The following ADAMTSL3 variants were observed in gnomAD, a reference collection of about 807,000 sequenced individuals.
ADAMTSL3 encodes ADAMTS-like protein 3.
A neutral mutation model predicts 201.7 loss-of-function variants in ADAMTSL3; 128 were observed. The observed-to-expected ratio is 0.63, with a 90% CI of 0.55 to 0.73. The LOEUF (loss-of-function observed/expected upper bound fraction) is 0.73. Ranked by LOEUF, ADAMTSL3 falls within the 30% of genes least tolerant of loss-of-function variation. The pLI, the probability that ADAMTSL3 is intolerant of heterozygous loss-of-function variation, is 0.00. For synonymous variants in ADAMTSL3, 738 were observed against 748.4 expected (o/e 0.99, Z 0.23); for missense variants, 1,990 against 2,119.6 (o/e 0.94, Z 1.20).
At chr15:83,965,523 G>C (rs1774770086) in intron 19 of ADAMTSL3, among the ~76,000 whole-genome samples, 1 of 152,156 alleles carries the variant, frequency 6.6e-6, no homozygotes, top group Admixed American at 6.5e-5. Flanking sequence ...GGAGCACCCA[G>C]ATTCATAAAG....
At chr15:83,842,912 G>A (rs2064412527) in intron 7 of ADAMTSL3, among the ~76,000 whole-genome samples, 1 of 152,128 alleles carries the variant, frequency 6.6e-6, no homozygotes, top group South Asian at 2.1e-4. Context: ...GTTTTGTCAG[G>A]GTCCAAGAAA....
chr15:84,020,593 C>G (rs1054726351), intron 25 of ADAMTSL3, among the ~76,000 whole-genome samples: 3 of 152,170 alleles, frequency 2.0e-5, no homozygotes, highest in African/African-American at 7.2e-5. Context: ...AAAGAAATCA[C>G]TCTGCTATGT....
rs533120049 is a variant in ADAMTSL3 at position 83,925,288 on chromosome 15, A to T, written c.2117+1255A>T. Among the ~76,000 whole-genome samples the T allele has an allele frequency of 9.2e-4, 140 of 152,266 alleles. 1 individual carries two copies. The highest frequency in any genetic ancestry group is 3.1e-3 in the African/African-American group (129 of 41,560). ...CTTGGTGAAATCACACCCGCCATGT[A>T]ATGTAGGATACAGTGTTTTGTATCC... On this transcript the variant is annotated intron_variant, in intron 17 of 29. Coordinates refer to ENST00000286744, the MANE Select transcript of ADAMTSL3 (RefSeq NM_207517.3).
At chr15:83,801,186 G>A (rs1249593594) in intron 4 of ADAMTSL3, among the ~76,000 whole-genome samples, 1 of 152,018 alleles carries the variant, frequency 6.6e-6, no homozygotes, top group Non-Finnish European at 1.5e-5. Context: ...TTAAGACATG[G>A]CCAACCCATT....
chr15:83,812,852 T>C (rs1431090708), intron 5 of ADAMTSL3, among the ~76,000 whole-genome samples: 3 of 152,234 alleles, frequency 2.0e-5, no homozygotes, highest in African/African-American at 4.8e-5. Context: ...TATAAATTAA[T>C]GTAATCCTCA....
intron 13 of ADAMTSL3, among the ~76,000 whole-genome samples, chr15:83,895,785 AT>A: frequency 6.6e-6 from 1 of 152,140 alleles, no homozygotes; most frequent in Non-Finnish European, 1.5e-5. Flanking sequence ...ATATATATAT[AT>A]ATCTCAAATT....
intron 15 of ADAMTSL3, 70 bp from the exon 16 acceptor site, chr15:83,913,022 C>G: frequency 6.8e-5 from 99 of 1,463,272 alleles, no homozygotes; most frequent in Non-Finnish European, 8.7e-5. Context: ...GAATGTGTCA[C>G]TCCTCCTTTT....
At chr15:83,669,536 C>T (rs536049438) in intron 2 of ADAMTSL3, among the ~76,000 whole-genome samples, 28 of 136,220 alleles carry the variant, frequency 2.1e-4, no homozygotes, top group Non-Finnish European at 4.0e-4. Flanking sequence ...GGCGTGATCT[C>T]GGCTCGCTGC....
At chr15:83,709,667 T>G (rs1027046006) in intron 3 of ADAMTSL3, among the ~76,000 whole-genome samples, 3 of 152,194 alleles carry the variant, frequency 2.0e-5, no homozygotes, top group Non-Finnish European at 4.4e-5. Flanking sequence ...GGAGCTTTAT[T>G]ATGGTCACTG....
chr15:83,955,752 G>A (rs1283028729), intron 19 of ADAMTSL3, among the ~76,000 whole-genome samples: 1 of 152,072 alleles, frequency 6.6e-6, no homozygotes, highest in Non-Finnish European at 1.5e-5. Flanking sequence ...ACTCTGCCCA[G>A]TGCACTGTCT....
At chr15:83,826,257 A>G (rs1044579954) in intron 6 of ADAMTSL3, among the ~76,000 whole-genome samples, 2 of 152,052 alleles carry the variant, frequency 1.3e-5, no homozygotes, top group African/African-American at 4.8e-5. Context: ...CTGGGACTAC[A>G]GTAATGTTCC....
chr15:84,008,314 C>G (rs1282041395), intron 23 of ADAMTSL3, among the ~76,000 whole-genome samples: 1 of 152,140 alleles, frequency 6.6e-6, no homozygotes, highest in Non-Finnish European at 1.5e-5. Flanking sequence ...AGGCTGGCCT[C>G]GAACTCCTGA....
intron 27 of ADAMTSL3, among the ~76,000 whole-genome samples, chr15:84,028,942 A>G (rs1420425493): frequency 6.6e-6 from 1 of 152,220 alleles, no homozygotes; most frequent in Non-Finnish European, 1.5e-5. Context: ...TGCCTTGTGA[A>G]GAAAGTTCCT....
At chr15:83,786,887 G>T (rs2063272650) in intron 4 of ADAMTSL3, among the ~76,000 whole-genome samples, 1 of 152,006 alleles carries the variant, frequency 6.6e-6, no homozygotes, top group African/African-American at 2.4e-5. Flanking sequence ...AAAATTGTTG[G>T]CAAATTAGGA....
intron 2 of ADAMTSL3, among the ~76,000 whole-genome samples, chr15:83,668,609 G>C (rs1259315172): frequency 1.3e-5 from 2 of 151,668 alleles, no homozygotes; most frequent in Admixed American, 1.3e-4. Flanking sequence ...TTTTTCTGTT[G>C]TCTTGAAATG....
chr15:83,887,968 C>T (rs2065429957), intron 10 of ADAMTSL3, among the ~76,000 whole-genome samples: 1 of 152,160 alleles, frequency 6.6e-6, no homozygotes, highest in Admixed American at 6.5e-5. Flanking sequence ...CATTTGGATC[C>T]ATAAGATAAA....
At chr15:83,971,653 A>G (rs1264639250) in intron 20 of ADAMTSL3, among the ~76,000 whole-genome samples, 1 of 151,122 alleles carries the variant, frequency 6.6e-6, no homozygotes, top group African/African-American at 2.4e-5. Flanking sequence ...CAGCAATTGA[A>G]AAGCAGGCAG....
chr15:83,884,051 C>G (rs981624257), intron 9 of ADAMTSL3, among the ~76,000 whole-genome samples: 1 of 151,990 alleles, frequency 6.6e-6, no homozygotes, highest in African/African-American at 2.4e-5. Context: ...TGCCACCACA[C>G]CCAGCTAATT....
Position 84,016,381 on chromosome 15 carries a change from A to T in ADAMTSL3, c.4157-2A>T, listed in dbSNP as rs1192793702. On this transcript the variant is annotated splice_acceptor_variant, in intron 24 of 29. Transcript: ENST00000286744. LOFTEE classifies it high-confidence loss of function. ...AAAAGTGCTACTTTTTTTTTTCCTC[A>T]GAACGAAGATGGCCAGAGAGTAGAA... The T allele has an allele frequency of 3.1e-6, 5 of 1,608,054 alleles. No homozygotes were observed. The Admixed American group carries it at 5.1e-5, about 17-fold the overall frequency.
Sources: allele counts gnomAD v4.1 joint callset (sites outside exome capture counted in the v4.1 genomes callset), GRCh38; gene constraint gnomAD v4.1.1; transcripts MANE v1.5; gene names NCBI Gene and HGNC (gene_info 2026-07-23, HGNC 2026-07-21).